Variants in RPL28 observed in about 807,000 individuals in gnomAD.
The protein encoded by RPL28 is large ribosomal subunit protein eL28.
In RPL28, 4 loss-of-function variants were observed where a neutral mutation model predicts 12.5. That is an observed-to-expected ratio of 0.32 (90% confidence interval 0.16 to 0.73). The LOEUF is 0.73. RPL28 is among the 30% of genes least tolerant of loss of function. The probability of loss-of-function intolerance (pLI) is 0.66; values close to 1 mark genes in which losing one functional copy is unlikely to be tolerated. For missense variants in RPL28, 214 were observed against 197.7 expected (o/e 1.08, Z -0.49); for synonymous variants, 91 against 72.5 (o/e 1.26, Z -1.30).
intron 3 of RPL28, chr19:55,387,582 G>GCTGGA: frequency 7.1e-7 from 1 of 1,405,898 alleles, no homozygotes; most frequent in Non-Finnish European, 9.2e-7. Flanking sequence ...ATGGGCCTGG[G>GCTGGA]GTTCCTGGGA....
chr19:55,394,248 C>G (rs79821011), downstream of RPL28, among the ~76,000 whole-genome samples: 9,999 of 152,182 alleles, frequency 0.066, 380 homozygotes, highest in African/African-American at 0.09. Flanking sequence ...TGTGACAGAG[C>G]GAGACTCCGT....
intron 4 of RPL28, among the ~76,000 whole-genome samples, chr19:55,398,189 CTG>C (rs2090035776): frequency 6.6e-6 from 1 of 150,992 alleles, no homozygotes; most frequent in South Asian, 2.1e-4. Flanking sequence ...CAGCGAAACT[CTG>C]TCTCAAAAAA....
At chr19:55,394,239 G>A (rs2090009143), downstream of RPL28, among the ~76,000 whole-genome samples, 2 of 152,296 alleles carry the variant, frequency 1.3e-5, no homozygotes, top group South Asian at 4.1e-4. Flanking sequence ...TCCAGCCTGT[G>A]TGACAGAGCG....
intron 2 of RPL28, 51 bp downstream of exon 2, chr19:55,386,489 CTT>C (rs1569039702): frequency 5.6e-6 from 9 of 1,601,710 alleles, no homozygotes; most frequent in Non-Finnish European, 7.7e-6. Context: ...TCCTGAGTCT[CTT>C]GACTCTGGGT....
Position 55,389,004 on chromosome 19 carries a change from C to G in RPL28, c.*672C>G. On this transcript the variant is annotated 3_prime_UTR_variant, in exon 5 of 5. Coordinates refer to ENST00000344063, the MANE Select transcript of RPL28 (RefSeq NM_000991.5). The stretch of plus-strand genomic sequence containing the variant: ...AGGTGTCCCCATCCCTCCCCTGTCT[C>G]TTTGAGCTGGCTCTTGTCACTTAGG... 1.0e-6 allele frequency: 1 copy of G among 985,566 alleles called. No individual in the cohort carries two copies. Among genetic ancestry groups the G allele is most frequent in the East Asian group, 1.1e-4 (1 of 8,814 alleles). 61.1% of individuals were successfully genotyped at this position (985,566 alleles called of 1,614,324 possible).
At chr19:55,396,788 GCCAGGATGT>G (rs2090027319), downstream of RPL28, among the ~76,000 whole-genome samples, 4 of 150,262 alleles carry the variant, frequency 2.7e-5, no homozygotes, top group East Asian at 4.0e-4. Flanking sequence ...CACCGTGTTA[GCCAGGATGT>G]TCTCGATCTC....
downstream of RPL28, among the ~76,000 whole-genome samples, chr19:55,396,763 G>C (rs1322471144): frequency 1.4e-5 from 2 of 146,678 alleles, no homozygotes; most frequent in Non-Finnish European, 3.0e-5. Flanking sequence ...TTGATTTTTA[G>C]TAGAGACAGG....
intron 3 of RPL28, chr19:55,387,435 G>A: frequency 6.5e-7 from 1 of 1,531,720 alleles, no homozygotes; most frequent in Non-Finnish European, 8.8e-7. Context: ...GGCACTTGGG[G>A]ACCCCGTTCT....
chr19:55,397,635 C>A (rs985447145), intron 4 of RPL28, among the ~76,000 whole-genome samples: 1 of 152,114 alleles, frequency 6.6e-6, no homozygotes, highest in Non-Finnish European at 1.5e-5. Context: ...CCGCCTCGAC[C>A]TCCCAAAGTG....
Position 55,389,239 on chromosome 19 carries a change from C to T in RPL28, c.*907C>T. On this transcript the variant is annotated 3_prime_UTR_variant, in exon 5 of 5. Transcript: ENST00000344063. ...TGGTGCACCGCCTGTGGTCCCAGCT[C>T]CTCAGAGGTTGAGTAGAGGCTGAGG... 6.5e-6 allele frequency: 6 copies of T among 917,144 alleles called. No individual in the cohort carries two copies. Among genetic ancestry groups the T allele is most frequent in the Admixed American group, 6.2e-5 (1 of 16,184 alleles). The allele number at this position is 917,144 out of a possible 1,614,324, so 56.8% of individuals were successfully genotyped here. A position where few individuals can be genotyped will look rare whatever the true frequency, so the allele number is the denominator to read the frequency against.
intron 3 of RPL28, 138 bp downstream of exon 3, chr19:55,386,831 C>G (rs2089934472): frequency 2.5e-6 from 4 of 1,579,900 alleles, no homozygotes; most frequent in Non-Finnish European, 3.4e-6. Context: ...GTCTGGGTAC[C>G]GGCTTCCCTC....
rs1315801875 is a variant in RPL28, at chr19:55,386,632, T to G, written c.144T>G (p.Thr48=). The G allele has an allele frequency of 6.2e-7, 1 of 1,614,110 alleles. No homozygotes were observed. The highest frequency in any genetic ancestry group is 2.2e-5 in the East Asian group (1 of 44,880). Residue 48 remains threonine (T), a synonymous_variant, in exon 3 of 5, where the codon ACT becomes ACG. Transcript: ENST00000344063. ...ACAACGGACTGATTCACCGCAAGAC[T>G]GTGGGCGTGGAGCCGGCAGCCGACG... ...FRYNGLIHRK[T]VGVEPAADGK... is the part of the protein sequence containing the mutation.
At position 55,391,675 on chromosome 19, in the gene RPL28, A is replaced by G. The variant is rs1199441153; in HGVS notation, c.*3343A>G. 2.6e-6 allele frequency: 4 copies of G among 1,542,094 alleles called. No individual in the cohort carries two copies. Among genetic ancestry groups the G allele is most frequent in the East Asian group, 2.5e-5 (1 of 40,770 alleles). On this transcript the variant is annotated 3_prime_UTR_variant, in exon 5 of 5. Transcript: ENST00000344063. ...TGTAACATGCGTGTCGATAGACCCT[A>G]CTACTCAGGGTTGATGAGAAGATTA...
At chr19:55,392,642 C>G (rs151300698), downstream of RPL28, among the ~76,000 whole-genome samples, 1 of 152,078 alleles carries the variant, frequency 6.6e-6, no homozygotes, top group South Asian at 2.1e-4. Flanking sequence ...TTCTCCTGCC[C>G]CAGCCTCCCC....
downstream of RPL28, among the ~76,000 whole-genome samples, chr19:55,393,797 C>T (rs754610174): frequency 6.6e-5 from 10 of 151,724 alleles, no homozygotes; most frequent in South Asian, 4.2e-4. Flanking sequence ...TACAGGGGCC[C>T]GCCACCACGC....
chr19:55,386,812 A>G (rs752558989), intron 3 of RPL28, 119 bp downstream of exon 3: 1 of 1,599,886 alleles, frequency 6.3e-7, no homozygotes, highest in Admixed American at 1.8e-5. Context: ...CCCTGGCGCC[A>G]GGGTGTTGGT....
At chr19:55,397,466 G>A (rs972804759) in intron 4 of RPL28, among the ~76,000 whole-genome samples, 15 of 151,978 alleles carry the variant, frequency 9.9e-5, no homozygotes, top group Non-Finnish European at 1.5e-4. Context: ...TGCAAGCTCC[G>A]CCTTCCGGGT....
chr19:55,391,956 C>T lies in RPL28; in HGVS notation c.*3624C>T, dbSNP rs7260246. On this transcript the variant is annotated 3_prime_UTR_variant, in exon 5 of 5. Coordinates refer to ENST00000344063, the MANE Select transcript of RPL28 (RefSeq NM_000991.5). ...CTGTGAGCTTTCCCAGCCTCCTGCC[C>T]GTGTTTGTGAATATCATTCTGTCCT... is the stretch of plus-strand genomic sequence containing the variant. The T allele has an allele frequency of 5.9e-3, 7,219 of 1,222,916 alleles. 297 individuals are homozygous for T. The African/African-American group carries it at 0.092, about 16-fold the overall frequency. The allele number at this position is 1,222,916 out of a possible 1,614,324, so 75.8% of individuals were successfully genotyped here. A position where few individuals can be genotyped will look rare whatever the true frequency, so the allele number is the denominator to read the frequency against.
At position 55,391,644 on chromosome 19, in the gene RPL28, C is replaced by G; in HGVS notation, c.*3312C>G. On this transcript the variant is annotated 3_prime_UTR_variant, in exon 5 of 5. Coordinates refer to ENST00000344063, the MANE Select transcript of RPL28 (RefSeq NM_000991.5). Reference sequence around the variant, plus strand: ...CTCAACCTCTCTGTGTCTTCGTACCCTCATCTGTAACATGCGTGTCGATAG... The same window carrying G: ...CTCAACCTCTCTGTGTCTTCGTACCGTCATCTGTAACATGCGTGTCGATAG... The G allele has an allele frequency of 6.5e-7, 1 of 1,545,046 alleles. No homozygotes were observed. Among genetic ancestry groups the G allele is most frequent in the African/African-American group, 1.4e-5 (1 of 73,022 alleles).
Sources: gnomAD v4.1 joint callset for allele counts (sites outside exome capture counted in the v4.1 genomes callset) on GRCh38, gnomAD v4.1.1 for gene constraint, MANE v1.5 for transcripts, NCBI Gene and HGNC (gene_info 2026-07-23, HGNC 2026-07-21) for gene names.